The following ACVR1 variants were observed in gnomAD, a reference collection of about 807,000 sequenced individuals.
ACVR1 encodes activin receptor type-1.
In ACVR1, 38 loss-of-function variants were observed where a neutral mutation model predicts 57.1. The observed-to-expected ratio is 0.67, with a 90% CI of 0.51 to 0.87. The LOEUF (loss-of-function observed/expected upper bound fraction) is 0.87, where lower values mean the gene tolerates loss of function less well. Ranked by LOEUF, ACVR1 falls within the 40% of genes least tolerant of loss-of-function variation. The pLI is 0.00. For synonymous variants in ACVR1, 212 were observed against 228.1 expected, an observed-to-expected ratio of 0.93 and a Z score of 0.63; for missense variants, 463 against 638.2, an observed-to-expected ratio of 0.73 and a Z score of 2.96.
At chr2:157,764,243 C>T (rs1318785351) in intron 8 of ACVR1, among the ~76,000 whole-genome samples, 2 of 151,970 alleles carry the variant, frequency 1.3e-5, no homozygotes, top group Non-Finnish European at 2.9e-5. Flanking sequence ...AGTGCAATAG[C>T]GCGACCTCGG....
intron 1 of ACVR1, chr2:157,875,448 C>G (rs1690254199): frequency 6.5e-6 from 1 of 153,546 alleles, no homozygotes; most frequent in South Asian, 2.1e-4. Flanking sequence ...GCGGCCAGAT[C>G]GATTTACAAG....
At chr2:157,774,578 G>T (rs1369279721) in intron 5 of ACVR1, among the ~76,000 whole-genome samples, 3 of 151,872 alleles carry the variant, frequency 2.0e-5, no homozygotes, top group Non-Finnish European at 4.4e-5. Flanking sequence ...TGGTCAGGCT[G>T]GTCTCAAACT....
chr2:157,854,732 A>AAC (rs2105369337), intron 1 of ACVR1, among the ~76,000 whole-genome samples: 1 of 148,852 alleles, frequency 6.7e-6, no homozygotes, highest in East Asian at 2.0e-4. Flanking sequence ...CAAAAAAAAA[A>AAC]AAAAAGAGTG....
chr2:157,798,690 A>G (rs10173157), intron 3 of ACVR1, among the ~76,000 whole-genome samples: 122,262 of 151,582 alleles, frequency 0.81, 49,499 homozygotes, highest in East Asian at 0.93. Flanking sequence ...ACCACACCCA[A>G]CTAATTTTTG....
rs1574118263 is a variant in ACVR1 at position 157,827,758 on chromosome 2, G to A, written c.-182-9199C>T. On this transcript the variant is annotated intron_variant, in intron 1 of 10. Transcript: ENST00000434821. ...TCAGCTCTATCGTCTCTATGGGACT[G>A]AGCAGGGAGTCATCCAGGTCGATGG... is the stretch of plus-strand genomic sequence containing the variant. 2.0e-5 allele frequency among the ~76,000 whole-genome samples: 3 copies of A among 152,300 alleles called. 1 individual carries two copies. Among genetic ancestry groups the A allele is most frequent in the East Asian group, 3.9e-4 (2 of 5,178 alleles).
intron 1 of ACVR1, among the ~76,000 whole-genome samples, chr2:157,857,292 T>C (rs929210135): frequency 6.6e-6 from 1 of 152,134 alleles, no homozygotes; most frequent in Non-Finnish European, 1.5e-5. Context: ...GAAGTCCTTG[T>C]GTGTGGTAAA....
At chr2:157,764,760 A>G (rs182778725) in intron 8 of ACVR1, among the ~76,000 whole-genome samples, 114 of 152,306 alleles carry the variant, frequency 7.5e-4, no homozygotes, top group Non-Finnish European at 1.2e-3. Context: ...GGAATAAGCC[A>G]TAAAAGTCCT....
At position 157,749,670 on chromosome 2, in the gene ACVR1, G is replaced by T. The variant is rs542471436; in HGVS notation, c.1265-11100C>A. Among the ~76,000 whole-genome samples, 9 of 152,332 alleles carry T rather than the reference G, an allele frequency of 5.9e-5. No individual in the cohort carries two copies. In the East Asian group the frequency reaches 1.7e-3, roughly 29 times the overall value. ...AAAGACAAGAATGAAATACGGACCA[G>T]TCCACCTACTATCCCTGGTGTCTAC... On this transcript the variant is annotated intron_variant, in intron 9 of 10. Transcript: ENST00000434821.
intron 3 of ACVR1, among the ~76,000 whole-genome samples, chr2:157,792,918 G>C (rs1419445021): frequency 1.3e-5 from 2 of 152,152 alleles, no homozygotes; most frequent in Non-Finnish European, 2.9e-5. Flanking sequence ...CATGAGTTCT[G>C]AGTCACTATG....
chr2:157,792,623 A>G (rs1352288804), intron 3 of ACVR1, among the ~76,000 whole-genome samples: 2 of 152,224 alleles, frequency 1.3e-5, no homozygotes, highest in Non-Finnish European at 2.9e-5. Flanking sequence ...TTTAATTTCA[A>G]TATGGGGTAT....
intron 1 of ACVR1, among the ~76,000 whole-genome samples, chr2:157,839,526 T>C (rs1468916605): frequency 6.6e-6 from 1 of 152,116 alleles, no homozygotes; most frequent in East Asian, 1.9e-4. Context: ...CAGGGAGAAA[T>C]GGAACACGTG....
chr2:157,779,204 G>C (rs1458639919), intron 4 of ACVR1, among the ~76,000 whole-genome samples: 2 of 152,308 alleles, frequency 1.3e-5, no homozygotes, highest in Non-Finnish European at 2.9e-5. Flanking sequence ...CTAGCAGAGT[G>C]ATCTGCAGAT....
At chr2:157,846,475 T>C (rs1371870797) in intron 1 of ACVR1, among the ~76,000 whole-genome samples, 1 of 152,234 alleles carries the variant, frequency 6.6e-6, no homozygotes, top group Admixed American at 6.5e-5. Flanking sequence ...CATTTAATTC[T>C]GCCAAAGCTC....
In ACVR1 at chr2:157,778,304, C is replaced by A. The variant is rs748870121; in HGVS notation, c.370G>T (p.Val124Phe). 7 of 1,613,948 alleles carry A rather than the reference C, an allele frequency of 4.3e-6. No homozygotes were observed. Among genetic ancestry groups the A allele is most frequent in the Non-Finnish European group, 5.9e-6 (7 of 1,179,962 alleles). ...ACTACAGAGAGAATAATGAGGCCAA[C>A]CTCCAAGTGGAAATTCTGTGTTCCA... ...FPGTQNFHLEVGLIILSVVFA... is the reference protein window; with the variant it reads ...FPGTQNFHLEFGLIILSVVFA... Residue 124 changes from valine to phenylalanine, a missense_variant, in exon 5 of 11, where the codon GTT becomes TTT. Val to Phe is a conservative substitution (Grantham distance 50). Coordinates refer to ENST00000434821, the MANE Select transcript of ACVR1 (RefSeq NM_001111067.4).
In ACVR1 at chr2:157,862,362, A is replaced by G. The variant is rs182287944; in HGVS notation, c.-183+13434T>C. On this transcript the variant is annotated intron_variant, in intron 1 of 10. Coordinates refer to ENST00000434821, the MANE Select transcript of ACVR1 (RefSeq NM_001111067.4). ...CTATAGTCATTCATTCATTGCAACA[A>G]TTTCTGTGTGCCTCCTATGCATAAG... Among the ~76,000 whole-genome samples the G allele has an allele frequency of 2.0e-3, 296 of 151,700 alleles. 1 individual carries two copies. Among genetic ancestry groups the G allele is most frequent in the African/African-American group, 6.6e-3 (273 of 41,288 alleles).
At chr2:157,786,599 G>A (rs1478362859) in intron 3 of ACVR1, among the ~76,000 whole-genome samples, 2 of 152,190 alleles carry the variant, frequency 1.3e-5, no homozygotes, top group East Asian at 1.9e-4. Flanking sequence ...ATATTTTGTG[G>A]TGTGGTAGGT....
In ACVR1 at chr2:157,875,924, G is replaced by C; in HGVS notation, c.-311C>G. The C allele has an allele frequency of 6.7e-6, 1 of 148,394 alleles. No homozygotes were observed. Among genetic ancestry groups the C allele is most frequent in the Non-Finnish European group, 1.5e-5 (1 of 66,442 alleles). The allele number at this position is 148,394 out of a possible 1,614,324, so 9.2% of individuals were successfully genotyped here. On this transcript the variant is annotated 5_prime_UTR_variant, in exon 1 of 11. Coordinates refer to ENST00000434821, the MANE Select transcript of ACVR1 (RefSeq NM_001111067.4). ...GCGGTGCAGCCGGCGAGGGAGCCCG[G>C]AACTCTGCGGGGCCGGGAGCCGGGG...
chr2:157,737,136 A>G lies in ACVR1; in HGVS notation c.*395T>C. 2.9e-6 allele frequency: 1 copy of G among 342,598 alleles called. No homozygotes were observed. The highest frequency in any genetic ancestry group is 5.5e-6 in the Non-Finnish European group (1 of 183,368). 21.2% of individuals were successfully genotyped at this position (342,598 alleles called of 1,614,324 possible). On this transcript the variant is annotated 3_prime_UTR_variant, in exon 11 of 11. Transcript: ENST00000434821. ...AATAAAGAAGAGAAGCACAGGCAAT[A>G]TTGCTGATTAAAAATTCACCACCTC...
rs561747657 is a variant in ACVR1 at position 157,739,307 on chromosome 2, T to A, written c.1265-737A>T. Among the ~76,000 whole-genome samples the A allele has an allele frequency of 2.0e-5, 3 of 152,332 alleles. No individual in the cohort carries two copies. The East Asian group carries it at 5.8e-4, about 29-fold the overall frequency. On this transcript the variant is annotated intron_variant, in intron 9 of 10. Coordinates refer to ENST00000434821, the MANE Select transcript of ACVR1 (RefSeq NM_001111067.4). ...AGGAAAAGAAGGATAAATAATGAACTCTTCCTCTGCCCAAAAGCAAATATG... is the reference window on the plus strand; with the variant it reads ...AGGAAAAGAAGGATAAATAATGAACACTTCCTCTGCCCAAAAGCAAATATG...
Sources: allele counts gnomAD v4.1 joint callset (sites outside exome capture counted in the v4.1 genomes callset), GRCh38; gene constraint gnomAD v4.1.1; transcripts MANE v1.5; gene names NCBI Gene and HGNC (gene_info 2026-07-23, HGNC 2026-07-21).